The following TESK2 variants were observed in gnomAD, a reference collection of about 807,000 sequenced individuals.
TESK2 encodes the protein dual specificity testis-specific protein kinase 2.
A neutral mutation model predicts 57.1 loss-of-function variants in TESK2; 39 were observed. The ratio of observed to expected loss-of-function variants is 0.68; its 90% CI spans 0.53 to 0.89. The LOEUF (loss-of-function observed/expected upper bound fraction) is 0.89. Among genes scored for constraint, TESK2 ranks in the 40% least tolerant of loss-of-function variants. The pLI is 0.00. For synonymous variants in TESK2, 249 were observed against 267.9 expected (o/e 0.93, Z 0.69); for missense variants, 646 against 732.1 (o/e 0.88, Z 1.36).
At chr1:45,452,030 C>A in intron 2 of TESK2, among the ~76,000 whole-genome samples, 1 of 41,036 alleles carries the variant, frequency 2.4e-5, no homozygotes, top group Non-Finnish European at 5.1e-5. Flanking sequence ...AAGACTCCGT[C>A]TCAAAAAAAA....
intron 4 of TESK2, among the ~76,000 whole-genome samples, chr1:45,371,721 A>G (rs1648192161): frequency 6.6e-6 from 1 of 151,104 alleles, no homozygotes; most frequent in African/African-American, 2.4e-5. Context: ...AAAAAAAATT[A>G]GCTGGGCATG....
At chr1:45,459,067 T>C (rs553847813) in intron 1 of TESK2, among the ~76,000 whole-genome samples, 7 of 152,220 alleles carry the variant, frequency 4.6e-5, no homozygotes, top group Non-Finnish European at 8.8e-5. Context: ...CAGGGCCATC[T>C]TAGTAACATG....
chr1:45,384,593 ATTTT>A lies in TESK2; in HGVS notation c.393+1315_393+1318del, dbSNP rs59988269. On this transcript the variant is annotated intron_variant, in intron 4 of 10. Transcript: ENST00000372086. ...TGCCATCACATCCAGCTAATTATTA[ATTTT>A]TTTTTTTTTTTTTTTTTTTTTTTTT... is the stretch of plus-strand genomic sequence containing the variant. 4.7e-4 allele frequency among the ~76,000 whole-genome samples: 33 copies of A among 70,846 alleles called. No homozygotes were observed. In the East Asian group the frequency reaches 5.5e-3, roughly 12 times the overall value. 46.5% of individuals were successfully genotyped at this position (70,846 alleles called of 152,430 possible). A position where few individuals can be genotyped will look rare whatever the true frequency, so the allele number is the denominator to read the frequency against.
chr1:45,484,456 C>A (rs1653371989), intron 1 of TESK2, among the ~76,000 whole-genome samples: 1 of 152,118 alleles, frequency 6.6e-6, no homozygotes, highest in Middle Eastern at 3.4e-3. Context: ...CTAAAAGAGG[C>A]CGAACGCGGT....
chr1:45,478,422 G>T (rs1653086684), intron 1 of TESK2, among the ~76,000 whole-genome samples: 1 of 152,144 alleles, frequency 6.6e-6, no homozygotes, highest in African/African-American at 2.4e-5. Flanking sequence ...TTTAGTTCAA[G>T]CTAAGGGCTT....
chr1:45,384,136 G>A (rs1174438264), intron 4 of TESK2, among the ~76,000 whole-genome samples: 1 of 152,040 alleles, frequency 6.6e-6, no homozygotes, highest in African/African-American at 2.4e-5. Context: ...TCCTTGTGAG[G>A]TCAACATTAT....
At chr1:45,456,148 C>A (rs532750591) in intron 2 of TESK2, among the ~76,000 whole-genome samples, 17 of 152,058 alleles carry the variant, frequency 1.1e-4, no homozygotes, top group Admixed American at 1.1e-3. Flanking sequence ...AAGCCATGAT[C>A]ACACCACACT....
At chr1:45,411,151 G>A (rs1037021069) in intron 3 of TESK2, among the ~76,000 whole-genome samples, 16 of 152,116 alleles carry the variant, frequency 1.1e-4, no homozygotes, top group African/African-American at 3.9e-4. Flanking sequence ...TTCTCCAACT[G>A]CTCCTATAGA....
At chr1:45,392,818 C>T (rs987598417) in intron 3 of TESK2, among the ~76,000 whole-genome samples, 1 of 152,204 alleles carries the variant, frequency 6.6e-6, no homozygotes, top group Non-Finnish European at 1.5e-5. Flanking sequence ...GCTAGGATTA[C>T]AGGCATGAGC....
chr1:45,368,722 G>A (rs1219085610), intron 4 of TESK2, among the ~76,000 whole-genome samples: 6 of 151,734 alleles, frequency 4.0e-5, no homozygotes. Context: ...TGTTGCCCAG[G>A]TGTGAGCCAC....
chr1:45,358,328 T>G, intron 4 of TESK2, among the ~76,000 whole-genome samples: 1 of 148,568 alleles, frequency 6.7e-6, no homozygotes, highest in Non-Finnish European at 1.5e-5. Flanking sequence ...AAAAAAAAAA[T>G]TAGCTGGGTG....
At chr1:45,359,572 T>G (rs1166101417) in intron 4 of TESK2, among the ~76,000 whole-genome samples, 1 of 134,300 alleles carries the variant, frequency 7.4e-6, no homozygotes, top group Non-Finnish European at 1.6e-5. Flanking sequence ...AAAAAAAATA[T>G]GTAAAAGTTG....
At chr1:45,414,127 G>C (rs1294159179) in intron 3 of TESK2, among the ~76,000 whole-genome samples, 1 of 152,150 alleles carries the variant, frequency 6.6e-6, no homozygotes, top group African/African-American at 2.4e-5. Context: ...AAAGCCAAAA[G>C]GACTTTGTTT....
At chr1:45,392,822 C>T (rs1360225058) in intron 3 of TESK2, among the ~76,000 whole-genome samples, 2 of 152,186 alleles carry the variant, frequency 1.3e-5, no homozygotes, top group African/African-American at 4.8e-5. Context: ...GGATTACAGG[C>T]ATGAGCCACT....
rs548725177 is a variant in TESK2 at position 45,390,894 on chromosome 1, C to T, written c.345-4934G>A. Among the ~76,000 whole-genome samples the T allele has an allele frequency of 6.6e-5, 10 of 150,852 alleles. 1 individual carries two copies. In the South Asian group the frequency reaches 2.1e-3, roughly 32 times the overall value. On this transcript the variant is annotated intron_variant, in intron 3 of 10. Coordinates refer to ENST00000372086, the MANE Select transcript of TESK2 (RefSeq NM_007170.3). ...AAGTGCTGAGCTTACAGGCGTGAGCCATTGCACCCAGCCTCTAGCTACATT... is the reference window on the plus strand; with the variant it reads ...AAGTGCTGAGCTTACAGGCGTGAGCTATTGCACCCAGCCTCTAGCTACATT...
chr1:45,403,639 A>G (rs1410491310), intron 3 of TESK2, among the ~76,000 whole-genome samples: 1 of 152,160 alleles, frequency 6.6e-6, no homozygotes, highest in African/African-American at 2.4e-5. Flanking sequence ...AAGAGGCCCA[A>G]TCAAGTTCAT....
At chr1:45,348,554 C>T (rs1015712244) in intron 5 of TESK2, among the ~76,000 whole-genome samples, 1 of 152,218 alleles carries the variant, frequency 6.6e-6, no homozygotes, top group African/African-American at 2.4e-5. Context: ...CCGCTGTCCC[C>T]CTGTTCCTGG....
intron 5 of TESK2, among the ~76,000 whole-genome samples, chr1:45,354,539 T>G (rs1026759008): frequency 2.6e-5 from 4 of 151,690 alleles, no homozygotes; most frequent in Non-Finnish European, 1.5e-5. Flanking sequence ...GGCAGGATAA[T>G]TGCTTGAACC....
At chr1:45,406,883 C>T (rs1173565944) in intron 3 of TESK2, among the ~76,000 whole-genome samples, 4 of 152,154 alleles carry the variant, frequency 2.6e-5, no homozygotes, top group Non-Finnish European at 5.9e-5. Flanking sequence ...CCACTTTCAA[C>T]TCTTTTTAGC....
Sources: gnomAD v4.1 joint callset for allele counts (sites outside exome capture counted in the v4.1 genomes callset) on GRCh38, gnomAD v4.1.1 for gene constraint, MANE v1.5 for transcripts, NCBI Gene and HGNC (gene_info 2026-07-23, HGNC 2026-07-21) for gene names.